The following DIAPH2 variants were observed in gnomAD, a reference collection of about 807,000 sequenced individuals.
DIAPH2 encodes diaphanous related formin 2.
In DIAPH2, 35 loss-of-function variants were observed where a neutral mutation model predicts 92.7. The observed-to-expected ratio is 0.38, with a 90% CI of 0.29 to 0.50. DIAPH2 has a LOEUF of 0.50. Ranked by LOEUF, DIAPH2 falls within the 20% of genes least tolerant of loss-of-function variation. The probability of loss-of-function intolerance (pLI) is 0.94; values close to 1 mark genes in which losing one functional copy is unlikely to be tolerated. For synonymous variants in DIAPH2, 301 were observed against 280.4 expected, an observed-to-expected ratio of 1.07 and a Z score of -0.73; for missense variants, 701 against 819.5, an observed-to-expected ratio of 0.86 and a Z score of 1.77.
chrX:96,885,276 G>C, intron 5 of DIAPH2: 1 of 437,628 alleles, frequency 2.3e-6, no homozygotes. Context: ...GAAGCTCAGA[G>C]AGAGACGGTG....
intron 17 of DIAPH2, among the ~76,000 whole-genome samples, chrX:97,062,666 T>A (rs2147903520): frequency 9.0e-6 from 1 of 111,400 alleles, no homozygotes; most frequent in African/African-American, 3.3e-5. Context: ...TTTTTACATT[T>A]CCAAAATGGT....
intron 4 of DIAPH2, among the ~76,000 whole-genome samples, chrX:96,868,914 G>C (rs1315561634): frequency 3.6e-5 from 4 of 111,873 alleles, no homozygotes; most frequent in Admixed American, 1.9e-4. Flanking sequence ...GAATGTGTGT[G>C]CAGAGAATAT....
At chrX:97,127,159 A>G (rs1602359379) in intron 21 of DIAPH2, among the ~76,000 whole-genome samples, 1 of 104,104 alleles carries the variant, frequency 9.6e-6, no homozygotes, top group East Asian at 2.8e-4. Context: ...ATTAGTCACA[A>G]AAGTCAAATA....
chrX:97,293,325 T>G (rs1235151026), intron 23 of DIAPH2, among the ~76,000 whole-genome samples: 1 of 98,905 alleles, frequency 1.0e-5, no homozygotes, highest in Admixed American at 1.1e-4. Context: ...ATATCTTGGC[T>G]CACTGCAACC....
intron 25 of DIAPH2, among the ~76,000 whole-genome samples, chrX:97,399,540 C>T (rs2069735533): frequency 8.9e-6 from 1 of 112,098 alleles, no homozygotes; most frequent in Non-Finnish European, 1.9e-5. Flanking sequence ...CATTCTGCTG[C>T]ACCTCTCTCC....
chrX:97,421,821 CTTAAAATGAT>C (rs1192512805), intron 25 of DIAPH2, among the ~76,000 whole-genome samples: 1 of 111,153 alleles, frequency 9.0e-6, no homozygotes, highest in East Asian at 2.8e-4. Context: ...ATTCAAGTTT[CTTAAAATGAT>C]ATCCAAGCTC....
intron 20 of DIAPH2, among the ~76,000 whole-genome samples, chrX:97,108,163 G>T (rs978028303): frequency 2.7e-5 from 3 of 110,268 alleles, no homozygotes. Flanking sequence ...AGCTGTCAAT[G>T]CACTTCTTTT....
chrX:97,096,057 C>T (rs1413851833), intron 19 of DIAPH2, among the ~76,000 whole-genome samples: 9 of 111,751 alleles, frequency 8.1e-5, no homozygotes, highest in African/African-American at 2.3e-4. Context: ...TGGGGGACGG[C>T]GGAGAAATTG....
intron 25 of DIAPH2, among the ~76,000 whole-genome samples, chrX:97,388,186 C>T (rs1690875770): frequency 9.0e-6 from 1 of 111,509 alleles, no homozygotes; most frequent in Admixed American, 9.5e-5. Context: ...GAAGAGTCTA[C>T]GGTAGGATCT....
chrX:97,228,631 A>G (rs1218605688), intron 22 of DIAPH2, among the ~76,000 whole-genome samples: 1 of 111,663 alleles, frequency 9.0e-6, no homozygotes, highest in African/African-American at 3.3e-5. Context: ...AGTTTTTTCT[A>G]TTTCTGAAAA....
At chrX:97,300,969 G>C (rs75974269) in intron 23 of DIAPH2, among the ~76,000 whole-genome samples, 1 of 30,937 alleles carries the variant, frequency 3.2e-5, no homozygotes, top group Non-Finnish European at 6.0e-5. Flanking sequence ...AAAAAAAGAA[G>C]AAGAAGAATG....
At chrX:97,092,904 G>A (rs1455275185) in intron 19 of DIAPH2, among the ~76,000 whole-genome samples, 2 of 111,253 alleles carry the variant, frequency 1.8e-5, no homozygotes, top group Non-Finnish European at 3.8e-5. Context: ...TCTATTCTAG[G>A]CCAGGCACAG....
intron 17 of DIAPH2, among the ~76,000 whole-genome samples, chrX:97,052,262 A>G (rs896917620): frequency 9.0e-6 from 1 of 111,067 alleles, no homozygotes; most frequent in Non-Finnish European, 1.9e-5. Flanking sequence ...GACATTTAAT[A>G]CTATGTTTGA....
chrX:96,816,975 G>A (rs189860982), intron 4 of DIAPH2, among the ~76,000 whole-genome samples: 80 of 111,867 alleles, frequency 7.2e-4, no homozygotes, highest in African/African-American at 2.3e-3. Flanking sequence ...GCCAGGCACA[G>A]ATAGACAAAC....
intron 23 of DIAPH2, among the ~76,000 whole-genome samples, chrX:97,297,075 CCTTTTT>C (rs2068650180): frequency 4.0e-5 from 3 of 75,131 alleles, no homozygotes; most frequent in African/African-American, 5.4e-5. Flanking sequence ...CCAGGCCTGG[CCTTTTT>C]TTTTTTTTTT....
Position 96,758,138 on chromosome X carries a change from A to G in DIAPH2, c.343-16A>G. The G allele has an allele frequency of 8.6e-7, 1 of 1,166,180 alleles. No individual in the cohort carries two copies. Among genetic ancestry groups the G allele is most frequent in the Non-Finnish European group, 1.1e-6 (1 of 873,382 alleles). ...GGAAATTTATCAATGCCCACAGTAA[A>G]TGTTATCTCTTACAGGAGGACATGA... On this transcript the variant is annotated splice_polypyrimidine_tract_variant and intron_variant, in intron 3 of 26. Coordinates refer to ENST00000324765, the MANE Select transcript of DIAPH2 (RefSeq NM_006729.5).
At chrX:97,210,634 A>G (rs1416785464) in intron 22 of DIAPH2, among the ~76,000 whole-genome samples, 1 of 111,764 alleles carries the variant, frequency 8.9e-6, no homozygotes. Flanking sequence ...ATTTTATGGT[A>G]CTGACATAAA....
Position 97,559,812 on chromosome X carries a change from T to A in DIAPH2, c.3242-39441T>A, listed in dbSNP as rs145463226. On this transcript the variant is annotated intron_variant, in intron 26 of 26. Coordinates refer to ENST00000324765, the MANE Select transcript of DIAPH2 (RefSeq NM_006729.5). Reference sequence around the variant, plus strand: ...GGCAGATGTTCACTGGCATTTGTCCTCTGGTCTGACTTCCAGCCCCAATTT... The same window carrying A: ...GGCAGATGTTCACTGGCATTTGTCCACTGGTCTGACTTCCAGCCCCAATTT... 9.9e-3 allele frequency among the ~76,000 whole-genome samples: 1,110 copies of A among 112,287 alleles called. 18 individuals carry two copies. Among genetic ancestry groups the A allele is most frequent in the African/African-American group, 0.034 (1,059 of 30,908 alleles).
intron 22 of DIAPH2, among the ~76,000 whole-genome samples, chrX:97,190,676 A>G (rs1401269564): frequency 9.2e-6 from 1 of 109,002 alleles, no homozygotes; most frequent in East Asian, 2.9e-4. Flanking sequence ...GTGAAACCCC[A>G]TCTCTACTGA....
Sources: gnomAD v4.1 joint callset for allele counts (sites outside exome capture counted in the v4.1 genomes callset) on GRCh38, gnomAD v4.1.1 for gene constraint, MANE v1.5 for transcripts, NCBI Gene and HGNC (gene_info 2026-07-23, HGNC 2026-07-21) for gene names.